GFRA2: variants seen among roughly 807,000 people sequenced by gnomAD.
GFRA2 encodes the protein GDNF family receptor alpha 2.
A neutral mutation model predicts 48.3 loss-of-function variants in GFRA2; 17 were observed. That is an observed-to-expected ratio of 0.35 (90% CI 0.24 to 0.53). The LOEUF (loss-of-function observed/expected upper bound fraction) is 0.53, where lower values mean the gene tolerates loss of function less well. Ranked by LOEUF, GFRA2 falls within the 20% of genes least tolerant of loss-of-function variation. The pLI is 0.93. For synonymous variants in GFRA2, 305 were observed against 257.2 expected (o/e 1.19, Z -1.78); for missense variants, 660 against 637.3 (o/e 1.04, Z -0.38).
At chr8:21,712,106 C>T (rs1044691391) in intron 4 of GFRA2, among the ~76,000 whole-genome samples, 22 of 152,248 alleles carry the variant, frequency 1.4e-4, no homozygotes, top group African/African-American at 4.8e-4. Flanking sequence ...CAGCAACCAT[C>T]CAATTTCTCA....
In GFRA2 at chr8:21,788,439, A is replaced by ACAGCCCAGTCCTGGGGT; in HGVS notation, c.-297_-281dup. On this transcript the variant is annotated 5_prime_UTR_variant, in exon 1 of 9. Coordinates refer to ENST00000524240, the MANE Select transcript of GFRA2 (RefSeq NM_001495.5). ...ATCTGTGTATCGGCTTTCTAAGCCA[A>ACAGCCCAGTCCTGGGGT]CAGCCCAGTCCTGGGGTCAGCCCTC... is the stretch of plus-strand genomic sequence containing the variant. The ACAGCCCAGTCCTGGGGT allele has an allele frequency of 8.2e-7, 1 of 1,213,738 alleles. No individual in the cohort carries two copies. The highest frequency in any genetic ancestry group is 1.0e-6 in the Non-Finnish European group (1 of 974,964). 75.2% of individuals were successfully genotyped at this position (1,213,738 alleles called of 1,614,324 possible).
At chr8:21,705,905 G>A (rs1216484400) in intron 5 of GFRA2, 27 bp downstream of exon 5, 5 of 1,455,730 alleles carry the variant, frequency 3.4e-6, no homozygotes, top group African/African-American at 1.4e-5. Flanking sequence ...AGGACCCACA[G>A]AGCCCAGGTG....
intron 3 of GFRA2, among the ~76,000 whole-genome samples, chr8:21,758,576 G>A (rs1201490850): frequency 6.6e-6 from 1 of 152,128 alleles, no homozygotes; most frequent in Middle Eastern, 3.2e-3. Flanking sequence ...AGGGGTTAAA[G>A]AACGTGGGTC....
At chr8:21,748,607 T>C (rs1355461454) in intron 4 of GFRA2, among the ~76,000 whole-genome samples, 2 of 152,214 alleles carry the variant, frequency 1.3e-5, no homozygotes, top group African/African-American at 4.8e-5. Context: ...GGAATCCGAC[T>C]CTGAAATGTA....
intron 2 of GFRA2, among the ~76,000 whole-genome samples, chr8:21,782,014 TG>T (rs1807017142): frequency 2.0e-5 from 3 of 152,116 alleles, no homozygotes; most frequent in African/African-American, 7.2e-5. Flanking sequence ...GCTGGTGTCC[TG>T]GAAGCAGGGA....
chr8:21,769,649 G>A (rs1279035922), intron 3 of GFRA2, among the ~76,000 whole-genome samples: 1 of 148,720 alleles, frequency 6.7e-6, no homozygotes, highest in Non-Finnish European at 1.5e-5. Flanking sequence ...CCATGTATTA[G>A]ATACAAAGCA....
intron 2 of GFRA2, among the ~76,000 whole-genome samples, chr8:21,803,277 T>C (rs890173263): frequency 2.8e-4 from 42 of 152,258 alleles, no homozygotes; most frequent in African/African-American, 9.9e-4. Context: ...CCAGAATACA[T>C]GTCACTTTCA....
chr8:21,774,563 A>G (rs1051396429), intron 3 of GFRA2, among the ~76,000 whole-genome samples: 7 of 152,204 alleles, frequency 4.6e-5, no homozygotes, highest in Non-Finnish European at 7.3e-5. Context: ...CAGCAATCCA[A>G]TGAGGTCGGT....
chr8:21,754,505 C>CTTTTTT (rs59344047), intron 3 of GFRA2, among the ~76,000 whole-genome samples: 13 of 121,232 alleles, frequency 1.1e-4, no homozygotes, highest in African/African-American at 2.5e-4. Flanking sequence ...CTTTTTTTTT[C>CTTTTTT]TTTTTTTTTT....
chr8:21,761,149 C>T (rs949284912), intron 3 of GFRA2, among the ~76,000 whole-genome samples: 1 of 152,166 alleles, frequency 6.6e-6, no homozygotes, highest in African/African-American at 2.4e-5. Flanking sequence ...CTGTCATCTC[C>T]ACACCTCATG....
Position 21,693,256 on chromosome 8 carries a change from A to C in GFRA2, c.*22T>G, listed in dbSNP as rs15881. On this transcript the variant is annotated 3_prime_UTR_variant, in exon 9 of 9. Transcript: ENST00000524240. ...TCTTGTCTGCGTAGCTTTCAAAAAT[A>C]TTCTGACTCGGTTCCCACAGCCTAC... The C allele has an allele frequency of 0.48, 767,634 of 1,595,900 alleles. 187,756 individuals are homozygous for C. The highest frequency in any genetic ancestry group is 0.66 in the African/African-American group (48,933 of 74,360).
At chr8:21,732,077 G>A (rs955574949) in intron 4 of GFRA2, among the ~76,000 whole-genome samples, 7 of 152,368 alleles carry the variant, frequency 4.6e-5, no homozygotes, top group African/African-American at 9.6e-5. Context: ...ATGCAGGGGC[G>A]AGTGAACATG....
At chr8:21,694,318 A>G in intron 8 of GFRA2, 146 bp downstream of exon 8, 1 of 720,952 alleles carries the variant, frequency 1.4e-6, no homozygotes, top group Non-Finnish European at 2.3e-6. Flanking sequence ...ACCCCAGCAG[A>G]GTAAGTGCCC....
chr8:21,790,548 C>A (rs1807546478), upstream of GFRA2, among the ~76,000 whole-genome samples: 1 of 152,196 alleles, frequency 6.6e-6, no homozygotes, highest in East Asian at 1.9e-4. Context: ...GGCGGCTGCT[C>A]CCGGCCTTGG....
intron 3 of GFRA2, among the ~76,000 whole-genome samples, chr8:21,764,553 G>A (rs1806063861): frequency 6.6e-6 from 1 of 152,248 alleles, no homozygotes; most frequent in African/African-American, 2.4e-5. Context: ...CCAGTGACCA[G>A]TCTGTCTCAC....
intron 2 of GFRA2, among the ~76,000 whole-genome samples, chr8:21,798,593 G>T (rs1448214993): frequency 1.3e-5 from 2 of 152,164 alleles, no homozygotes; most frequent in Non-Finnish European, 2.9e-5. Flanking sequence ...CTTGTCACAA[G>T]GGACAAGGAT....
intron 4 of GFRA2, among the ~76,000 whole-genome samples, chr8:21,747,250 C>T (rs1319584208): frequency 1.3e-5 from 2 of 152,190 alleles, no homozygotes; most frequent in Admixed American, 1.3e-4. Context: ...AATCATGCTC[C>T]CATCTATCCT....
At chr8:21,782,950 C>T in intron 1 of GFRA2, 51 bp from the exon 2 acceptor site, 3 of 1,494,080 alleles carry the variant, frequency 2.0e-6, no homozygotes, top group Non-Finnish European at 2.7e-6. Context: ...CCACAATCTC[C>T]CACCCAAGAT....
intron 4 of GFRA2, among the ~76,000 whole-genome samples, chr8:21,730,710 C>T (rs1390683805): frequency 1.3e-5 from 2 of 152,138 alleles, no homozygotes; most frequent in Non-Finnish European, 2.9e-5. Flanking sequence ...AGAAGCACAA[C>T]GCTGGCAGAA....
Sources: allele counts gnomAD v4.1 joint callset (sites outside exome capture counted in the v4.1 genomes callset), GRCh38; gene constraint gnomAD v4.1.1; transcripts MANE v1.5; gene names NCBI Gene and HGNC (gene_info 2026-07-23, HGNC 2026-07-21).